Variants in ADARB2 observed in about 807,000 individuals in gnomAD.
ADARB2 encodes the protein adenosine deaminase RNA specific B2 (inactive).
Under a neutral mutation model 62.2 loss-of-function variants are expected in ADARB2, and 25 were observed. That is an observed-to-expected ratio of 0.40 (90% CI 0.29 to 0.56). The LOEUF (loss-of-function observed/expected upper bound fraction) is 0.56. Among genes scored for constraint, ADARB2 ranks in the 20% least tolerant of loss-of-function variants. ADARB2 has a pLI of 0.43. For synonymous variants in ADARB2, 572 were observed against 500.8 expected (o/e 1.14, Z -1.90); for missense variants, 1,071 against 1,077.4 (o/e 0.99, Z 0.08).
intron 1 of ADARB2, among the ~76,000 whole-genome samples, chr10:1,418,936 T>C (rs12356862): frequency 5.3e-4 from 81 of 152,198 alleles, no homozygotes; most frequent in Non-Finnish European, 9.8e-4. Context: ...CCCTTTGGTA[T>C]GTAGGCTGCA....
At chr10:1,338,414 C>A (rs1831993484) in intron 3 of ADARB2, among the ~76,000 whole-genome samples, 1 of 152,198 alleles carries the variant, frequency 6.6e-6, no homozygotes, top group South Asian at 2.1e-4. Context: ...TTTCCAATTT[C>A]TCTTCTTCAG....
chr10:1,389,935 C>T (rs1362004445), intron 1 of ADARB2, among the ~76,000 whole-genome samples: 2 of 152,042 alleles, frequency 1.3e-5, no homozygotes, highest in East Asian at 3.9e-4. Context: ...GAATTACCAC[C>T]TCCACTTCTA....
rs79804083 is a variant in ADARB2, at chr10:1,646,801, A to C, written c.100+90250T>G. Among the ~76,000 whole-genome samples, 589 of 152,358 alleles carry C rather than the reference A, an allele frequency of 3.9e-3. 5 individuals carry two copies. The highest frequency in any genetic ancestry group is 0.013 in the African/African-American group (542 of 41,586). ...TTTGAGGTGCTGATGAACTCAGCAA[A>C]GACCCTGGAGATACACTGAGTGTGA... On this transcript the variant is annotated intron_variant, in intron 1 of 9. Coordinates refer to ENST00000381312, the MANE Select transcript of ADARB2 (RefSeq NM_018702.4).
chr10:1,635,498 C>T (rs1833907917), intron 1 of ADARB2, among the ~76,000 whole-genome samples: 2 of 152,180 alleles, frequency 1.3e-5, no homozygotes, highest in African/African-American at 4.8e-5. Context: ...CAACAGGTCC[C>T]CTTGAGATGT....
At chr10:1,689,293 A>C (rs1302661549) in intron 1 of ADARB2, among the ~76,000 whole-genome samples, 2 of 152,202 alleles carry the variant, frequency 1.3e-5, no homozygotes, top group Non-Finnish European at 2.9e-5. Context: ...AATTAGGCAC[A>C]GGAAGATTGT....
intron 2 of ADARB2, among the ~76,000 whole-genome samples, chr10:1,377,471 G>C (rs537441565): frequency 7.5e-6 from 1 of 133,160 alleles, no homozygotes; most frequent in Non-Finnish European, 1.6e-5. Flanking sequence ...TGTGCTCCTG[G>C]GGTGTGTGTG....
chr10:1,359,547 G>A (rs1832230049), intron 3 of ADARB2, among the ~76,000 whole-genome samples: 1 of 152,176 alleles, frequency 6.6e-6, no homozygotes, highest in South Asian at 2.1e-4. Context: ...TCTATCGTAC[G>A]TCATCTTTAC....
In ADARB2 at chr10:1,393,401, T is replaced by G. The variant is rs149352623; in HGVS notation, c.101-14241A>C. Among the ~76,000 whole-genome samples the G allele has an allele frequency of 4.8e-3, 735 of 152,348 alleles. 3 individuals carry two copies. The highest frequency in any genetic ancestry group is 0.016 in the African/African-American group (682 of 41,578). ...ACTCAGTTATTTTAAAATGCACAAT[T>G]ACATTATTATTGGCTCTATTCATCC... On this transcript the variant is annotated intron_variant, in intron 1 of 9. Transcript: ENST00000381312.
At chr10:1,615,649 T>G (rs2132023484) in intron 1 of ADARB2, among the ~76,000 whole-genome samples, 1 of 152,308 alleles carries the variant, frequency 6.6e-6, no homozygotes, top group Non-Finnish European at 1.5e-5. Context: ...CCCCAGGACT[T>G]GGGTATGCTG....
chr10:1,584,495 T>C (rs1588312142), intron 1 of ADARB2, among the ~76,000 whole-genome samples: 1 of 152,232 alleles, frequency 6.6e-6, no homozygotes, highest in Non-Finnish European at 1.5e-5. Context: ...CTGGTGGGAA[T>C]GCAAAATAGC....
intron 1 of ADARB2, among the ~76,000 whole-genome samples, chr10:1,410,579 A>G (rs564312700): frequency 3.9e-5 from 6 of 152,318 alleles, no homozygotes; most frequent in African/African-American, 1.2e-4. Context: ...GCTGCTCTAG[A>G]AATATTACGA....
rs1831254951 is a variant in ADARB2 at position 1,466,367 on chromosome 10, G to A, written c.101-87207C>T. On this transcript the variant is annotated intron_variant, in intron 1 of 9. Transcript: ENST00000381312. ...TCTCCTCCCTCCTGGCCCCTTGCATGTTAGGGAAATTTGAGTAGCACAAAG... is the reference window on the plus strand; with the variant it reads ...TCTCCTCCCTCCTGGCCCCTTGCATATTAGGGAAATTTGAGTAGCACAAAG... Among the ~76,000 whole-genome samples the A allele has an allele frequency of 2.0e-5, 3 of 152,340 alleles. No homozygotes were observed. The South Asian group carries it at 6.2e-4, about 32-fold the overall frequency.
intron 1 of ADARB2, among the ~76,000 whole-genome samples, chr10:1,566,571 T>C (rs914133833): frequency 2.0e-5 from 3 of 152,220 alleles, no homozygotes; most frequent in Non-Finnish European, 2.9e-5. Context: ...AGTAGAACAA[T>C]TGTATGTGAT....
At chr10:1,505,935 C>A (rs1032423261) in intron 1 of ADARB2, among the ~76,000 whole-genome samples, 12 of 152,222 alleles carry the variant, frequency 7.9e-5, no homozygotes, top group African/African-American at 2.7e-4. Context: ...TTTTCCTTGA[C>A]TTTTTCCATT....
chr10:1,181,449 A>G lies in ADARB2; in HGVS notation c.*1744T>C, dbSNP rs1027289137. On this transcript the variant is annotated 3_prime_UTR_variant, in exon 10 of 10. Transcript: ENST00000381312. ...TCGTATCTTTTGAAACTTTATCTGG[A>G]AGAAGTTGTCTACTCCAGTACCTGT... 2 of 152,224 alleles carry G rather than the reference A, an allele frequency of 1.3e-5. No homozygotes were observed. Among genetic ancestry groups the G allele is most frequent in the African/African-American group, 4.8e-5 (2 of 41,458 alleles). 9.4% of individuals were successfully genotyped at this position (152,224 alleles called of 1,614,324 possible). A position where few individuals can be genotyped will look rare whatever the true frequency, so the allele number is the denominator to read the frequency against.
chr10:1,418,518 C>T (rs969559286), intron 1 of ADARB2, among the ~76,000 whole-genome samples: 3 of 152,212 alleles, frequency 2.0e-5, no homozygotes, highest in Non-Finnish European at 4.4e-5. Context: ...TAACTAATTT[C>T]CTTCCACGCA....
intron 4 of ADARB2, among the ~76,000 whole-genome samples, chr10:1,258,769 G>C (rs760635910): frequency 3.3e-5 from 5 of 152,108 alleles, no homozygotes; most frequent in Admixed American, 6.5e-5. Flanking sequence ...GGATATCCAG[G>C]AATTGAACTC....
At chr10:1,305,150 A>T (rs1316692649) in intron 3 of ADARB2, among the ~76,000 whole-genome samples, 2 of 145,746 alleles carry the variant, frequency 1.4e-5, no homozygotes, top group African/African-American at 4.9e-5. Flanking sequence ...TTGATAGACC[A>T]CTAGCAAGAC....
chr10:1,216,034 A>AGGGTGTCACCAACGTGG (rs543625348), intron 7 of ADARB2: 3 of 143,734 alleles, frequency 2.1e-5, no homozygotes, highest in Non-Finnish European at 3.1e-5. Context: ...GGGAGGTCTC[A>AGGGTGTCACCAACGTGG]GGGTGTCACC....
Sources: allele counts gnomAD v4.1 joint callset (sites outside exome capture counted in the v4.1 genomes callset), GRCh38; gene constraint gnomAD v4.1.1; transcripts MANE v1.5; gene names NCBI Gene and HGNC (gene_info 2026-07-23, HGNC 2026-07-21).